RIMS4: variants seen among roughly 807,000 people sequenced by gnomAD.
RIMS4 encodes regulating synaptic membrane exocytosis protein 4.
In RIMS4, 9 loss-of-function variants were observed where a neutral mutation model predicts 29.0. The observed-to-expected ratio is 0.31, with a 90% CI of 0.19 to 0.54. The LOEUF is 0.54. Among genes scored for constraint, RIMS4 ranks in the 20% least tolerant of loss-of-function variants. RIMS4 has a pLI of 0.94. For synonymous variants in RIMS4, 130 were observed against 152.9 expected (o/e 0.85, Z 1.10); for missense variants, 193 against 365.7 (o/e 0.53, Z 3.85).
chr20:44,770,390 C>T (rs1017974738), intron 2 of RIMS4, among the ~76,000 whole-genome samples: 6 of 152,104 alleles, frequency 3.9e-5, no homozygotes, highest in African/African-American at 1.4e-4. Flanking sequence ...ACTCTGATAA[C>T]CCCTACAGTT....
intron 2 of RIMS4, among the ~76,000 whole-genome samples, chr20:44,764,027 T>TATCC (rs774683268): frequency 2.3e-4 from 25 of 106,580 alleles, no homozygotes; most frequent in African/African-American, 7.8e-4. Context: ...TCCATCCATT[T>TATCC]ATCCATCCAT....
chr20:44,801,554 T>C (rs2066277370), intron 1 of RIMS4, among the ~76,000 whole-genome samples: 2 of 152,242 alleles, frequency 1.3e-5, no homozygotes, highest in African/African-American at 2.4e-5. Flanking sequence ...CTTTTCCCAA[T>C]GCAGAAAAGG....
chr20:44,772,384 T>G (rs1395506573), intron 1 of RIMS4, among the ~76,000 whole-genome samples: 2 of 152,200 alleles, frequency 1.3e-5, no homozygotes. Context: ...GGACAGGGAA[T>G]TTTGTTCACT....
chr20:44,756,408 G>A lies in RIMS4; in HGVS notation c.592-56C>T. 6.7e-7 allele frequency: 1 copy of A among 1,498,110 alleles called. No homozygotes were observed. The highest frequency in any genetic ancestry group is 2.4e-5 in the East Asian group (1 of 42,030). The allele number at this position is 1,498,110 out of a possible 1,614,324, so 92.8% of individuals were successfully genotyped here. On this transcript the variant is annotated intron_variant, in intron 5 of 5. Coordinates refer to ENST00000372851, the MANE Select transcript of RIMS4 (RefSeq NM_182970.4). The surrounding 1 kb of genome is among the most constrained non-coding windows in gnomAD (Gnocchi z 5.9). The stretch of plus-strand genomic sequence containing the variant: ...CCTGCCAGTGCCACTCACAGGCCCA[G>A]AAGCAGAACCTGGGTCGCCCCATGC...
At chr20:44,799,723 C>T (rs1291039965) in intron 1 of RIMS4, among the ~76,000 whole-genome samples, 1 of 152,142 alleles carries the variant, frequency 6.6e-6, no homozygotes, top group East Asian at 1.9e-4. Flanking sequence ...TCCATGATGG[C>T]TACTTGGGGT....
At chr20:44,765,141 T>C (rs1431625891) in intron 2 of RIMS4, among the ~76,000 whole-genome samples, 1 of 152,176 alleles carries the variant, frequency 6.6e-6, no homozygotes, top group Non-Finnish European at 1.5e-5. Flanking sequence ...TGAACCAAAA[T>C]CACTCTGCTA....
chr20:44,790,636 G>A (rs185196671), intron 1 of RIMS4, among the ~76,000 whole-genome samples: 3 of 152,354 alleles, frequency 2.0e-5, no homozygotes, highest in Admixed American at 2.0e-4. Context: ...GCCCAGTGCA[G>A]GTGCTCACTA....
At position 44,753,887 on chromosome 20, in the gene RIMS4, C is replaced by T. The variant is rs2066046249; in HGVS notation, c.*2247G>A. The T allele has an allele frequency of 6.5e-6, 1 of 152,762 alleles. No homozygotes were observed. The highest frequency in any genetic ancestry group is 3.4e-3 in the Middle Eastern group (1 of 296). The allele number at this position is 152,762 out of a possible 1,614,324, so 9.5% of individuals were successfully genotyped here. On this transcript the variant is annotated 3_prime_UTR_variant, in exon 6 of 6. Coordinates refer to ENST00000372851, the MANE Select transcript of RIMS4 (RefSeq NM_182970.4). ...CCACCCCCAGGTGTTGTTATTGCTT[C>T]GGAGCTCTCTCTCTCTTTATAAAGG... is the stretch of plus-strand genomic sequence containing the variant.
At chr20:44,798,754 C>T (rs955585156) in intron 1 of RIMS4, among the ~76,000 whole-genome samples, 4 of 152,244 alleles carry the variant, frequency 2.6e-5, no homozygotes, top group African/African-American at 9.6e-5. Context: ...TTCTCCAGAG[C>T]TCCCCAGGAT....
intron 2 of RIMS4, among the ~76,000 whole-genome samples, chr20:44,766,680 G>C (rs1419735268): frequency 6.6e-6 from 1 of 152,120 alleles, no homozygotes; most frequent in Non-Finnish European, 1.5e-5. Flanking sequence ...TGGAGAGGGG[G>C]AACTGTCTGC....
At chr20:44,780,624 A>C (rs1568901002) in intron 1 of RIMS4, among the ~76,000 whole-genome samples, 1 of 152,212 alleles carries the variant, frequency 6.6e-6, no homozygotes, top group South Asian at 2.1e-4. Flanking sequence ...AGTGAAGGTA[A>C]GTATTGTCTT....
intron 1 of RIMS4, among the ~76,000 whole-genome samples, chr20:44,784,372 C>A (rs1436241299): frequency 6.6e-6 from 1 of 152,240 alleles, no homozygotes; most frequent in Admixed American, 6.5e-5. Flanking sequence ...AGATGGCCAG[C>A]TTCCTCCAGA....
At chr20:44,782,001 C>T (rs1266126066) in intron 1 of RIMS4, among the ~76,000 whole-genome samples, 2 of 152,176 alleles carry the variant, frequency 1.3e-5, no homozygotes, top group Non-Finnish European at 2.9e-5. Flanking sequence ...CACGTACTTC[C>T]GTCTTCTTAG....
At chr20:44,792,362 G>A (rs968549239) in intron 1 of RIMS4, among the ~76,000 whole-genome samples, 9 of 150,210 alleles carry the variant, frequency 6.0e-5, no homozygotes, top group Admixed American at 2.0e-4. Flanking sequence ...GTGTGATCTC[G>A]GCTCACTGCA....
intron 1 of RIMS4, among the ~76,000 whole-genome samples, chr20:44,808,985 AAGCACATACACTCCTCC>A (rs1272450678): frequency 1.3e-5 from 2 of 152,138 alleles, no homozygotes; most frequent in Non-Finnish European, 2.9e-5. Context: ...TTTGCTCCTC[AAGCACATACACTCCTCC>A]AGCACATACA....
chr20:44,784,226 C>T (rs1213187479), intron 1 of RIMS4, among the ~76,000 whole-genome samples: 4 of 152,168 alleles, frequency 2.6e-5, no homozygotes, highest in African/African-American at 7.2e-5. Context: ...CAAAGGCCCA[C>T]GGATGAAAAC....
chr20:44,783,886 A>G (rs1240927899), intron 1 of RIMS4, among the ~76,000 whole-genome samples: 1 of 152,194 alleles, frequency 6.6e-6, no homozygotes, highest in Non-Finnish European at 1.5e-5. Context: ...TCTACAATTG[A>G]CTGTGGTGAT....
intron 1 of RIMS4, among the ~76,000 whole-genome samples, chr20:44,795,232 G>C (rs1034423567): frequency 6.6e-6 from 1 of 152,246 alleles, no homozygotes; most frequent in African/African-American, 2.4e-5. Context: ...ATGGAGCCAA[G>C]TGGCGAAGCT....
rs2066054061 is a variant in RIMS4 at position 44,755,242 on chromosome 20, C to G, written c.*892G>C. ...GGAGGGGTTCTCCAATTTGAGAAAC[C>G]CTTATCTTGGCACCACCAGTCCCAA... On this transcript the variant is annotated 3_prime_UTR_variant, in exon 6 of 6. Transcript: ENST00000372851. The G allele has an allele frequency of 6.6e-6, 1 of 152,300 alleles. No individual in the cohort carries two copies. Among genetic ancestry groups the G allele is most frequent in the Admixed American group, 6.5e-5 (1 of 15,274 alleles). The allele number at this position is 152,300 out of a possible 1,614,324, so 9.4% of individuals were successfully genotyped here. A position where few individuals can be genotyped will look rare whatever the true frequency, so the allele number is the denominator to read the frequency against.
Sources: allele counts gnomAD v4.1 joint callset (sites outside exome capture counted in the v4.1 genomes callset), GRCh38; gene constraint gnomAD v4.1.1; non-coding constraint Gnocchi (gnomAD v3.1); transcripts MANE v1.5; gene names NCBI Gene and HGNC (gene_info 2026-07-23, HGNC 2026-07-21).